The following REPS1 variants were observed in gnomAD, a reference collection of about 807,000 sequenced individuals.
REPS1 encodes ralBP1-associated Eps domain-containing protein 1.
Under a neutral mutation model 100.9 loss-of-function variants are expected in REPS1, and 39 were observed. The ratio of observed to expected loss-of-function variants is 0.39; its 90% CI spans 0.30 to 0.50. REPS1 has a LOEUF of 0.50. Among genes scored for constraint, REPS1 ranks in the 20% least tolerant of loss-of-function variants. The pLI is 0.86. For synonymous variants in REPS1, 324 were observed against 340.3 expected (o/e 0.95, Z 0.53); for missense variants, 821 against 968.5 (o/e 0.85, Z 2.02).
chr6:138,958,825 T>A (rs771675424), intron 1 of REPS1, among the ~76,000 whole-genome samples: 1 of 152,214 alleles, frequency 6.6e-6, no homozygotes, highest in Non-Finnish European at 1.5e-5. Flanking sequence ...TTTTGCCTTG[T>A]ATGCCATAGG....
chr6:138,923,748 G>A (rs1562522670), intron 10 of REPS1, among the ~76,000 whole-genome samples: 2 of 152,124 alleles, frequency 1.3e-5, no homozygotes, highest in Non-Finnish European at 2.9e-5. Flanking sequence ...TTGCAAATGG[G>A]GTCACTGCAC....
chr6:138,971,767 T>C (rs545262133), intron 1 of REPS1, among the ~76,000 whole-genome samples: 12 of 151,930 alleles, frequency 7.9e-5, no homozygotes, highest in African/African-American at 2.9e-4. Context: ...GGGGAGAGAG[T>C]ACCCATAGTG....
At position 138,958,693 on chromosome 6, in the gene REPS1, C is replaced by A. The variant is rs1015627372; in HGVS notation, c.154-10780G>T. On this transcript the variant is annotated intron_variant, in intron 1 of 19. Transcript: ENST00000450536. ...GCCTTAAAAAAAGTAGAATGTTTTT[C>A]TTTCACATAATGGAATAACACTATT... Among the ~76,000 whole-genome samples the A allele has an allele frequency of 3.9e-5, 6 of 152,138 alleles. No individual in the cohort carries two copies. The East Asian group carries it at 1.2e-3, about 29-fold the overall frequency.
chr6:138,951,473 G>T (rs986130948), intron 1 of REPS1, among the ~76,000 whole-genome samples: 3 of 152,036 alleles, frequency 2.0e-5, no homozygotes, highest in African/African-American at 7.2e-5. Context: ...ATTTCATTTA[G>T]ACGTGGTGTA....
chr6:138,981,103 AAAATTCTGTGG>A (rs1784925387), intron 1 of REPS1, among the ~76,000 whole-genome samples: 1 of 152,242 alleles, frequency 6.6e-6, no homozygotes, highest in Admixed American at 6.5e-5. Context: ...AATTAAGTGC[AAAATTCTGTGG>A]AACTATGTTT....
rs79160897 is a variant in REPS1, at chr6:138,936,564, C to A, written c.1135+4771G>T. Among the ~76,000 whole-genome samples, 955 of 135,756 alleles carry A rather than the reference C, an allele frequency of 7.0e-3. 5 individuals carry two copies. The highest frequency in any genetic ancestry group is 0.018 in the Middle Eastern group (4 of 226). 89.1% of individuals were successfully genotyped at this position (135,756 alleles called of 152,430 possible). ...CAGCCAAATATCTGGAAAGAAATGA[C>A]ACACGACAGAGAGAGACGGCAGGGT... On this transcript the variant is annotated intron_variant, in intron 8 of 19. Transcript: ENST00000450536.
At chr6:138,973,792 A>T (rs1429932650) in intron 1 of REPS1, among the ~76,000 whole-genome samples, 2 of 152,070 alleles carry the variant, frequency 1.3e-5, no homozygotes, top group Non-Finnish European at 2.9e-5. Flanking sequence ...GGCCACAAAC[A>T]ATGCTGATGT....
chr6:138,934,092 G>A (rs1781651962), intron 8 of REPS1: 1 of 208,666 alleles, frequency 4.8e-6, no homozygotes, highest in African/African-American at 2.3e-5. Context: ...CAACCATTCA[G>A]TCTAGAAATA....
chr6:138,977,802 T>C (rs1210593485), intron 1 of REPS1, among the ~76,000 whole-genome samples: 1 of 152,250 alleles, frequency 6.6e-6, no homozygotes, highest in Non-Finnish European at 1.5e-5. Context: ...AAATTTATGC[T>C]TAACTTTTTA....
chr6:138,968,931 C>T (rs968464554), intron 1 of REPS1, among the ~76,000 whole-genome samples: 35 of 152,168 alleles, frequency 2.3e-4, no homozygotes, highest in Non-Finnish European at 4.4e-5. Flanking sequence ...AGCTTCTTCA[C>T]TATGTGCAAG....
rs749256820 is a variant in REPS1, at chr6:138,930,132, GACT to G, written c.1136-37_1136-35del. The G allele has an allele frequency of 8.2e-6, 13 of 1,593,808 alleles. 1 individual carries two copies. Among genetic ancestry groups the G allele is most frequent in the Middle Eastern group, 1.7e-4 (1 of 6,002 alleles). On this transcript the variant is annotated intron_variant, in intron 8 of 19. Transcript: ENST00000450536. Reference sequence around the variant, plus strand: ...TAAAAATAGAGAAATTCTCTATAAAGACTACATTGTAGTTTATTTTAGGCATAT... The same window carrying G: ...TAAAAATAGAGAAATTCTCTATAAAGACATTGTAGTTTATTTTAGGCATAT...
chr6:138,982,280 T>C (rs1052820429), intron 1 of REPS1, among the ~76,000 whole-genome samples: 13 of 152,258 alleles, frequency 8.5e-5, no homozygotes, highest in Non-Finnish European at 4.4e-5. Context: ...TTCACTGTTA[T>C]TGCTTTTCCC....
intron 8 of REPS1, among the ~76,000 whole-genome samples, chr6:138,936,464 A>C (rs528965281): frequency 1.3e-5 from 2 of 152,052 alleles, no homozygotes; most frequent in South Asian, 4.2e-4. Context: ...AGTTCTATTT[A>C]TTTTGACCAA....
At chr6:138,950,791 G>T (rs1045013383) in intron 1 of REPS1, among the ~76,000 whole-genome samples, 11 of 151,948 alleles carry the variant, frequency 7.2e-5, no homozygotes, top group African/African-American at 2.4e-4. Context: ...TTTTACTTGG[G>T]GCAGCAACTG....
At chr6:138,956,989 G>C (rs1157458447) in intron 1 of REPS1, among the ~76,000 whole-genome samples, 4 of 151,288 alleles carry the variant, frequency 2.6e-5, no homozygotes, top group Admixed American at 6.6e-5. Context: ...AGATAAAATA[G>C]AGAAAAATGT....
intron 1 of REPS1, among the ~76,000 whole-genome samples, chr6:138,982,229 T>G (rs1453187917): frequency 6.6e-6 from 1 of 152,232 alleles, no homozygotes; most frequent in Non-Finnish European, 1.5e-5. Context: ...GATCTTGTAA[T>G]TGATTTAAAC....
At chr6:138,971,663 G>A (rs1784353450) in intron 1 of REPS1, among the ~76,000 whole-genome samples, 1 of 152,148 alleles carries the variant, frequency 6.6e-6, no homozygotes, top group African/African-American at 2.4e-5. Flanking sequence ...TGTCTTGTCA[G>A]CAAAGCAGCG....
intron 1 of REPS1, among the ~76,000 whole-genome samples, chr6:138,979,451 A>G (rs1172955778): frequency 2.6e-5 from 4 of 152,104 alleles, no homozygotes; most frequent in African/African-American, 7.2e-5. Context: ...AAAGCTATCT[A>G]TACACCCTGT....
At chr6:138,936,855 C>G (rs1781881556) in intron 8 of REPS1, among the ~76,000 whole-genome samples, 1 of 152,108 alleles carries the variant, frequency 6.6e-6, no homozygotes, top group Non-Finnish European at 1.5e-5. Context: ...CAATAAGAAA[C>G]TGGTTAAATT....
Sources: gnomAD v4.1 joint callset for allele counts (sites outside exome capture counted in the v4.1 genomes callset) on GRCh38, gnomAD v4.1.1 for gene constraint, MANE v1.5 for transcripts, NCBI Gene and HGNC (gene_info 2026-07-23, HGNC 2026-07-21) for gene names.